The following KCNC4 variants were observed in gnomAD, a reference collection of about 807,000 sequenced individuals.
KCNC4 encodes the protein potassium voltage-gated channel subfamily C member 4, also known as voltage-gated potassium channel KCNC4.
KCNC4 carries 23 observed loss-of-function variants against 42.8 expected under a neutral mutation model. That is an observed-to-expected ratio of 0.54 (90% confidence interval 0.39 to 0.76). The LOEUF is 0.76. Ranked by LOEUF, KCNC4 falls within the 30% of genes least tolerant of loss-of-function variation. The pLI is 0.00. For synonymous variants in KCNC4, 422 were observed against 393.5 expected, an observed-to-expected ratio of 1.07 and a Z score of -0.86; for missense variants, 751 against 898.2, an observed-to-expected ratio of 0.84 and a Z score of 2.10.
chr1:110,252,475 G>A (rs948954260), downstream of KCNC4, among the ~76,000 whole-genome samples: 47 of 152,174 alleles, frequency 3.1e-4, no homozygotes, highest in African/African-American at 1.1e-3. Flanking sequence ...AGGGTGGAGA[G>A]AGGCTTAGCT....
At chr1:110,243,389 A>C (rs1318970451) in exon 4 of KCNC4, 1 of 152,208 alleles carries the variant, frequency 6.6e-6, no homozygotes, top group Non-Finnish European at 1.5e-5. Flanking sequence ...CCAGACGGAG[A>C]CCCACACAGC....
Position 110,210,558 on chromosome 1 carries a change from G to C in KCNC4, c.-942G>C, listed in dbSNP as rs936784124. ...CTGAGGCTCCCTCTCCGCGCGGCCCGGGAAGCCTGCAGGTGTCCTTGGCCG... is the reference window on the plus strand; with the variant it reads ...CTGAGGCTCCCTCTCCGCGCGGCCCCGGAAGCCTGCAGGTGTCCTTGGCCG... On this transcript the variant is annotated 5_prime_UTR_variant, in exon 1 of 4. Transcript: ENST00000438661. 6.6e-6 allele frequency among the ~76,000 whole-genome samples: 1 copy of C among 151,542 alleles called. No homozygotes were observed. The highest frequency in any genetic ancestry group is 1.9e-4 in the East Asian group (1 of 5,160).
At chr1:110,224,475 A>G (rs902018531) in intron 2 of KCNC4, 2 of 153,794 alleles carry the variant, frequency 1.3e-5, no homozygotes, top group African/African-American at 2.4e-5. Flanking sequence ...ACGTAATAGC[A>G]GTGGGAGGCT....
chr1:110,282,094 C>T (rs1659838444), intron 1 of KCNC4, among the ~76,000 whole-genome samples: 1 of 152,238 alleles, frequency 6.6e-6, no homozygotes, highest in South Asian at 2.1e-4. Flanking sequence ...AGGTGGCTCC[C>T]AGGGTCCCAC....
At chr1:110,265,367 TAAAATAA>T (rs1021589462) in intron 1 of KCNC4, among the ~76,000 whole-genome samples, 2 of 45,586 alleles carry the variant, frequency 4.4e-5, no homozygotes, top group African/African-American at 3.2e-4. Context: ...TAAAATAAAA[TAAAATAA>T]AATAAAATAA....
downstream of KCNC4, among the ~76,000 whole-genome samples, chr1:110,250,728 A>T (rs997181713): frequency 4.1e-4 from 63 of 152,246 alleles, no homozygotes; most frequent in African/African-American, 1.4e-3. Flanking sequence ...TGAGGCACCC[A>T]GCAAGGCCCC....
chr1:110,218,354 T>G (rs1365953143), intron 1 of KCNC4, among the ~76,000 whole-genome samples: 1 of 152,172 alleles, frequency 6.6e-6, no homozygotes, highest in Non-Finnish European at 1.5e-5. Context: ...TCATCCCTTC[T>G]GCCTCGAACT....
In KCNC4 at chr1:110,276,007, A is replaced by G. The variant is rs181931652; in HGVS notation, n.31-6527A>G. ...AATCATGTATTTTTCAACAAAATGG[A>G]TGGTACTAGAGACCATTATCTTAAG... is the stretch of plus-strand genomic sequence containing the variant. On this transcript the variant is annotated intron_variant and non_coding_transcript_variant, in intron 1 of 2. Coordinates refer to the KCNC4 transcript ENST00000412512. 1.7e-3 allele frequency among the ~76,000 whole-genome samples: 254 copies of G among 151,596 alleles called. 1 individual carries two copies. The highest frequency in any genetic ancestry group is 5.8e-3 in the African/African-American group (241 of 41,382).
At chr1:110,226,324 G>T in intron 3 of KCNC4, 146 bp downstream of exon 3, 1 of 684,868 alleles carries the variant, frequency 1.5e-6, no homozygotes, top group South Asian at 1.6e-5. Context: ...TTTAGAATGG[G>T]TACCTGATCT....
chr1:110,266,422 G>A (rs1181281921), intron 1 of KCNC4, among the ~76,000 whole-genome samples: 1 of 152,196 alleles, frequency 6.6e-6, no homozygotes, highest in Admixed American at 6.5e-5. Context: ...AAGAATTTCT[G>A]CAAGGTTTTT....
chr1:110,264,620 TG>T (rs1159552593), intron 1 of KCNC4, among the ~76,000 whole-genome samples: 8 of 152,370 alleles, frequency 5.3e-5, no homozygotes, highest in Middle Eastern at 6.8e-3. Context: ...TTAACTTCCT[TG>T]GCTATTGTTT....
At chr1:110,216,750 C>T (rs1490262340) in intron 1 of KCNC4, among the ~76,000 whole-genome samples, 4 of 152,106 alleles carry the variant, frequency 2.6e-5, no homozygotes, top group African/African-American at 9.7e-5. Flanking sequence ...ATTCCCTGTG[C>T]GTAACTGACT....
At chr1:110,228,722 A>T (rs1178878434) in intron 3 of KCNC4, 2 of 147,518 alleles carry the variant, frequency 1.4e-5, no homozygotes, top group East Asian at 4.0e-4. Context: ...CTCTGGGCAC[A>T]CGCGCACAAA....
intron 1 of KCNC4, among the ~76,000 whole-genome samples, chr1:110,258,381 G>A (rs1040900366): frequency 2.0e-5 from 3 of 152,102 alleles, no homozygotes; most frequent in Non-Finnish European, 2.9e-5. Flanking sequence ...GGGACTACAG[G>A]CACACGCCAC....
chr1:110,222,605 A>G, intron 1 of KCNC4: 1 of 236,766 alleles, frequency 4.2e-6, no homozygotes, highest in Non-Finnish European at 8.3e-6. Flanking sequence ...CCTCTGGATC[A>G]GGAATGCATT....
At chr1:110,249,989 A>T (rs1659222471), downstream of KCNC4, among the ~76,000 whole-genome samples, 1 of 152,212 alleles carries the variant, frequency 6.6e-6, no homozygotes, top group Non-Finnish European at 1.5e-5. Context: ...ATACGTTTTC[A>T]AGTCCCACCT....
At chr1:110,272,283 A>G (rs3849177) in intron 1 of KCNC4, among the ~76,000 whole-genome samples, 83,207 of 152,074 alleles carry the variant, frequency 0.55, 23,093 homozygotes, top group Admixed American at 0.62. Context: ...TTGCACAGCC[A>G]GAATGCAATC....
chr1:110,218,187 A>G (rs1657901752), intron 1 of KCNC4, among the ~76,000 whole-genome samples: 1 of 151,948 alleles, frequency 6.6e-6, no homozygotes, highest in African/African-American at 2.4e-5. Flanking sequence ...TCTCCCCTCG[A>G]CCCAGCCTGT....
chr1:110,280,456 G>GA (rs1164940637), intron 1 of KCNC4, among the ~76,000 whole-genome samples: 1 of 151,284 alleles, frequency 6.6e-6, no homozygotes, highest in African/African-American at 2.4e-5. Flanking sequence ...AGGGAAGGCG[G>GA]AAACAAGTCC....
Sources: gnomAD v4.1 joint callset for allele counts (sites outside exome capture counted in the v4.1 genomes callset) on GRCh38, gnomAD v4.1.1 for gene constraint, MANE v1.5 for transcripts, NCBI Gene and HGNC (gene_info 2026-07-23, HGNC 2026-07-21) for gene names.